Variants in STK38 observed in about 807,000 individuals in gnomAD.
STK38 encodes serine/threonine kinase 38.
In STK38, 26 loss-of-function variants were observed where a neutral mutation model predicts 59.0. That is an observed-to-expected ratio of 0.44 (90% CI 0.32 to 0.61). The LOEUF is 0.61. Among genes scored for constraint, STK38 ranks in the 20% least tolerant of loss-of-function variants. STK38 has a pLI of 0.04. For synonymous variants in STK38, 175 were observed against 176.6 expected, an observed-to-expected ratio of 0.99 and a Z score of 0.07; for missense variants, 433 against 566.0, an observed-to-expected ratio of 0.76 and a Z score of 2.38.
At position 36,539,148 on chromosome 6, in the gene STK38, G is replaced by A. The variant is rs139934392; in HGVS notation, c.131+924C>T. On this transcript the variant is annotated intron_variant, in intron 2 of 13. Coordinates refer to ENST00000229812, the MANE Select transcript of STK38 (RefSeq NM_007271.4). The stretch of plus-strand genomic sequence containing the variant: ...TGCCTGTAATCCCAGCACTATGGGA[G>A]GCCGAGGCAGGTGGAATGCCTGAGG... Among the ~76,000 whole-genome samples, 876 of 151,930 alleles carry A rather than the reference G, an allele frequency of 5.8e-3. 8 individuals carry two copies. The highest frequency in any genetic ancestry group is 0.02 in the African/African-American group (831 of 41,450).
At chr6:36,506,716 T>C (rs1776971251) in intron 8 of STK38, 72 bp from the exon 9 acceptor site, 1 of 1,389,178 alleles carries the variant, frequency 7.2e-7, no homozygotes, top group Admixed American at 2.1e-5. Flanking sequence ...AGTAGGCTCT[T>C]TCAAGTCACA....
chr6:36,520,651 G>A (rs1259678793), intron 5 of STK38, among the ~76,000 whole-genome samples: 1 of 152,144 alleles, frequency 6.6e-6, no homozygotes, highest in East Asian at 1.9e-4. Context: ...TATGTAAGTA[G>A]GCCGGCCTAC....
chr6:36,532,487 G>A (rs1777689193), intron 2 of STK38, among the ~76,000 whole-genome samples: 1 of 152,048 alleles, frequency 6.6e-6, no homozygotes, highest in African/African-American at 2.4e-5. Context: ...ACAAAAAAGA[G>A]GGTACTAGCC....
chr6:36,498,497 A>C lies in STK38; in HGVS notation c.953-11T>G. ...AGAAAGGTGGGTAGCCTGTAATAAA[A>C]AAGGAACTTCGGAGCTTTTACACTC... is the stretch of plus-strand genomic sequence containing the variant. On this transcript the variant is annotated splice_polypyrimidine_tract_variant and intron_variant, in intron 10 of 13. Coordinates refer to ENST00000229812, the MANE Select transcript of STK38 (RefSeq NM_007271.4). 1 of 1,606,822 alleles carries C rather than the reference A, an allele frequency of 6.2e-7. No homozygotes were observed. Among genetic ancestry groups the C allele is most frequent in the Non-Finnish European group, 8.5e-7 (1 of 1,178,370 alleles).
chr6:36,543,313 T>A (rs573183601), intron 1 of STK38, among the ~76,000 whole-genome samples: 1 of 152,036 alleles, frequency 6.6e-6, no homozygotes, highest in African/African-American at 2.4e-5. Context: ...GATCTGCCCA[T>A]CTCAGCCTCC....
At chr6:36,502,804 G>T (rs1776871884) in intron 9 of STK38, among the ~76,000 whole-genome samples, 1 of 152,006 alleles carries the variant, frequency 6.6e-6, no homozygotes, top group Non-Finnish European at 1.5e-5. Context: ...AAAGAATTTT[G>T]CCATCTATCT....
At chr6:36,498,543 A>C in intron 10 of STK38, 57 bp from the exon 11 acceptor site, 1 of 1,545,178 alleles carries the variant, frequency 6.5e-7, no homozygotes, top group South Asian at 1.2e-5. Flanking sequence ...AATCTGACCG[A>C]GATTACTCTC....
chr6:36,507,623 G>A (rs982996088), intron 7 of STK38, 21 bp from the exon 8 acceptor site: 6 of 1,561,556 alleles, frequency 3.8e-6, no homozygotes, highest in Middle Eastern at 1.7e-4. Flanking sequence ...GAAACAAGGT[G>A]ATAGATGGAT....
intron 2 of STK38, among the ~76,000 whole-genome samples, chr6:36,536,159 T>G (rs991371649): frequency 2.0e-5 from 3 of 152,138 alleles, no homozygotes; most frequent in African/African-American, 7.2e-5. Flanking sequence ...CACTTGATTT[T>G]CAAGAAAAGT....
chr6:36,536,089 A>G (rs1777783508), intron 2 of STK38, among the ~76,000 whole-genome samples: 1 of 152,236 alleles, frequency 6.6e-6, no homozygotes, highest in Non-Finnish European at 1.5e-5. Context: ...GGCTAAGGAC[A>G]GACAAGGAAA....
intron 1 of STK38, among the ~76,000 whole-genome samples, chr6:36,545,289 G>GAAAA (rs58104312): frequency 3.3e-5 from 2 of 60,526 alleles, no homozygotes; most frequent in Admixed American, 2.2e-4. Context: ...ACTCCGTCTG[G>GAAAA]AAAAAAAAAA....
At chr6:36,498,997 A>G (rs1263722710) in intron 10 of STK38, among the ~76,000 whole-genome samples, 2 of 151,856 alleles carry the variant, frequency 1.3e-5, no homozygotes, top group East Asian at 3.9e-4. Flanking sequence ...CCTATTTTTC[A>G]TTTTCCCCCA....
At chr6:36,515,551 CA>C in intron 6 of STK38, 59 bp from the exon 7 acceptor site, 1 of 1,562,216 alleles carries the variant, frequency 6.4e-7, no homozygotes, top group Non-Finnish European at 8.7e-7. Context: ...CACACACACA[CA>C]CACAACATAC....
intron 13 of STK38, 109 bp from the exon 14 acceptor site, chr6:36,496,023 G>A (rs917821910): frequency 2.5e-6 from 3 of 1,198,654 alleles, no homozygotes; most frequent in Non-Finnish European, 3.5e-6. Flanking sequence ...ATTTGGGAAA[G>A]CTTATTTTTC....
intron 7 of STK38, among the ~76,000 whole-genome samples, chr6:36,511,655 C>G (rs1777112583): frequency 6.6e-6 from 1 of 151,950 alleles, no homozygotes; most frequent in Admixed American, 6.6e-5. Flanking sequence ...CACGCCTGGC[C>G]TCAGTATCTT....
Position 36,540,069 on chromosome 6 carries a change from T to C in STK38, c.131+3A>G, listed in dbSNP as rs746043815. ...CACAATTTTTTCAAACAAAATTCTT[T>C]ACCTCATTTCTCGTTCTTCATGTTG... On this transcript the variant is annotated splice_donor_region_variant and intron_variant, in intron 2 of 13. Coordinates refer to ENST00000229812, the MANE Select transcript of STK38 (RefSeq NM_007271.4). The C allele has an allele frequency of 3.6e-5, 58 of 1,613,562 alleles. No homozygotes were observed. Among genetic ancestry groups the C allele is most frequent in the Non-Finnish European group, 4.9e-5 (58 of 1,179,806 alleles).
intron 7 of STK38, among the ~76,000 whole-genome samples, chr6:36,513,115 G>A (rs1446991577): frequency 2.0e-5 from 3 of 151,834 alleles, no homozygotes; most frequent in Non-Finnish European, 4.4e-5. Context: ...CGCCTCCTGG[G>A]TTCAAGTGAT....
chr6:36,543,305 T>C (rs1320617886), intron 1 of STK38, among the ~76,000 whole-genome samples: 1 of 152,118 alleles, frequency 6.6e-6, no homozygotes, highest in South Asian at 2.1e-4. Flanking sequence ...GACCTCATGA[T>C]CTGCCCATCT....
Position 36,527,207 on chromosome 6 carries a change from A to AAAAATATATATATAT in STK38, c.132-1566_132-1565insATATATATATATTTT, listed in dbSNP as rs60162863. The stretch of plus-strand genomic sequence containing the variant: ...ACTCCGTCTCAAAAAAAAAAAAAAA[A>AAAAATATATATATAT]ATATATGTATATATATATATATTTA... On this transcript the variant is annotated intron_variant, in intron 2 of 13. Coordinates refer to ENST00000229812, the MANE Select transcript of STK38 (RefSeq NM_007271.4). Among the ~76,000 whole-genome samples, 5 of 119,354 alleles carry AAAAATATATATATAT rather than the reference A, an allele frequency of 4.2e-5. No homozygotes were observed. The East Asian group carries it at 7.3e-4, about 17-fold the overall frequency. 78.3% of individuals were successfully genotyped at this position (119,354 alleles called of 152,430 possible).
Sources: gnomAD v4.1 joint callset for allele counts (sites outside exome capture counted in the v4.1 genomes callset) on GRCh38, gnomAD v4.1.1 for gene constraint, MANE v1.5 for transcripts, NCBI Gene and HGNC (gene_info 2026-07-23, HGNC 2026-07-21) for gene names.